DLGAP1: variants seen among roughly 807,000 people sequenced by gnomAD.
The protein encoded by DLGAP1 is DLG associated protein 1, also known as disks large-associated protein 1.
In DLGAP1, 11 loss-of-function variants were observed where a neutral mutation model predicts 90.8. That is an observed-to-expected ratio of 0.12 (90% CI 0.08 to 0.20). The LOEUF (loss-of-function observed/expected upper bound fraction) is 0.20. DLGAP1 is among the 10% of genes least tolerant of loss of function. The probability of loss-of-function intolerance (pLI) is 1.00; values close to 1 mark genes in which losing one functional copy is unlikely to be tolerated. For synonymous variants in DLGAP1, 558 were observed against 540.7 expected (o/e 1.03, Z -0.44); for missense variants, 1,050 against 1,333.8 (o/e 0.79, Z 3.31).
At chr18:3,893,385 T>C (rs1159948666) in intron 3 of DLGAP1, among the ~76,000 whole-genome samples, 1 of 151,926 alleles carries the variant, frequency 6.6e-6, no homozygotes, top group Admixed American at 6.6e-5. Context: ...GAGACCAGCC[T>C]GGCCAACATG....
At chr18:4,290,569 C>T (rs2079821460) in intron 1 of DLGAP1, among the ~76,000 whole-genome samples, 1 of 152,158 alleles carries the variant, frequency 6.6e-6, no homozygotes, top group African/African-American at 2.4e-5. Flanking sequence ...TTCAGTCTGT[C>T]TCGAGTCATC....
At chr18:4,347,729 C>T (rs2081325447) in intron 1 of DLGAP1, among the ~76,000 whole-genome samples, 2 of 151,960 alleles carry the variant, frequency 1.3e-5, no homozygotes, top group Admixed American at 1.3e-4. Flanking sequence ...TAGAAGCATT[C>T]CTATTCACAT....
intron 6 of DLGAP1, among the ~76,000 whole-genome samples, chr18:3,735,241 C>T (rs376062609): frequency 3.9e-5 from 6 of 152,142 alleles, no homozygotes; most frequent in South Asian, 4.1e-4. Flanking sequence ...TTTTTGGAGA[C>T]GGAGTCTCAC....
intron 1 of DLGAP1, among the ~76,000 whole-genome samples, chr18:4,451,486 G>A (rs2083830182): frequency 6.6e-6 from 1 of 152,134 alleles, no homozygotes. Context: ...AGATTAAAAT[G>A]AATGTCAGAA....
intron 4 of DLGAP1, among the ~76,000 whole-genome samples, chr18:3,823,592 A>G (rs572414226): frequency 6.6e-6 from 1 of 152,308 alleles, no homozygotes; most frequent in East Asian, 1.9e-4. Context: ...AAACTTTGTT[A>G]TAGTAATTTT....
rs1292086557 is a variant in DLGAP1, at chr18:3,517,593, G to A, written c.2480-8932C>T. Among the ~76,000 whole-genome samples the A allele has an allele frequency of 6.6e-6, 1 of 152,148 alleles. No individual in the cohort carries two copies. Among genetic ancestry groups the A allele is most frequent in the Non-Finnish European group, 1.5e-5 (1 of 68,022 alleles). On this transcript the variant is annotated intron_variant, in intron 10 of 12. Coordinates refer to ENST00000315677, the MANE Select transcript of DLGAP1 (RefSeq NM_004746.4). This position sits in a 1 kb window ranked among gnomAD's most constrained non-coding sequence, Gnocchi z 4.1. ...AGCACTTTGGGAGGCTGAGGCGGGTGGGTTACCTGAGGTCAGGAGGTCGAG... is the reference window on the plus strand; with the variant it reads ...AGCACTTTGGGAGGCTGAGGCGGGTAGGTTACCTGAGGTCAGGAGGTCGAG...
rs1394538723 is a variant in DLGAP1, at chr18:4,306,475, GAC to G, written c.-267+148529_-267+148530del. On this transcript the variant is annotated intron_variant, in intron 1 of 12. Transcript: ENST00000315677. ...TGTGTGTGTGTGTGAGAGAGAGAGAGACAGACAGAGAAGAAAATAAAGAAGAA... is the reference window on the plus strand; with the variant it reads ...TGTGTGTGTGTGTGAGAGAGAGAGAGAGACAGAGAAGAAAATAAAGAAGAA... Among the ~76,000 whole-genome samples, 15 of 144,826 alleles carry G rather than the reference GAC, an allele frequency of 1.0e-4. 1 individual carries two copies. The highest frequency in any genetic ancestry group is 4.3e-4 in the South Asian group (2 of 4,704).
At chr18:3,791,611 T>C (rs531353404) in intron 5 of DLGAP1, among the ~76,000 whole-genome samples, 105 of 152,276 alleles carry the variant, frequency 6.9e-4, no homozygotes, top group African/African-American at 2.5e-3. Flanking sequence ...CAATATTTAC[T>C]TAGGAGTCAA....
chr18:3,593,977 A>G (rs1392225316), intron 7 of DLGAP1: 1 of 151,002 alleles, frequency 6.6e-6, no homozygotes, highest in African/African-American at 2.4e-5. Flanking sequence ...ACAAAAATCC[A>G]GGCAGGGAGG....
chr18:3,535,610 A>C (rs866220505), intron 9 of DLGAP1, among the ~76,000 whole-genome samples: 1 of 151,974 alleles, frequency 6.6e-6, no homozygotes, highest in Non-Finnish European at 1.5e-5. Context: ...TGGGAGGCTG[A>C]GGCAGGAGAA....
At chr18:4,136,113 G>A (rs193028550) in intron 2 of DLGAP1, among the ~76,000 whole-genome samples, 9 of 151,874 alleles carry the variant, frequency 5.9e-5, no homozygotes, top group Admixed American at 3.3e-4. Flanking sequence ...GAGAACATGC[G>A]ACATACCACA....
chr18:3,558,236 T>TTTTG (rs1334636213), intron 9 of DLGAP1, among the ~76,000 whole-genome samples: 7 of 152,004 alleles, frequency 4.6e-5, no homozygotes, highest in East Asian at 1.9e-4. Context: ...ATTTTGTAGT[T>TTTTG]TTTGTTTGTT....
At chr18:3,741,171 CAT>C (rs1373268197) in intron 6 of DLGAP1, among the ~76,000 whole-genome samples, 21 of 66,292 alleles carry the variant, frequency 3.2e-4, no homozygotes, top group African/African-American at 5.4e-4. Flanking sequence ...ATCACCACCA[CAT>C]CACCACCACC....
In DLGAP1 at chr18:3,716,418, C is replaced by T. The variant is rs185707027; in HGVS notation, c.1591+12717G>A. ...GGGCATGGTGGCTTGTGCCTGTGGT[C>T]CTAGCTACTCAGGGGGCTGAAGTGG... On this transcript the variant is annotated intron_variant, in intron 7 of 12. Transcript: ENST00000315677. Among the ~76,000 whole-genome samples the T allele has an allele frequency of 5.5e-4, 84 of 152,186 alleles. 1 individual carries two copies. Among genetic ancestry groups the T allele is most frequent in the African/African-American group, 1.9e-3 (80 of 41,518 alleles).
At chr18:4,225,456 A>G (rs755552963) in intron 1 of DLGAP1, among the ~76,000 whole-genome samples, 2 of 152,078 alleles carry the variant, frequency 1.3e-5, no homozygotes, top group African/African-American at 2.4e-5. Context: ...AATGAACTAA[A>G]TATGGCACCA....
intron 1 of DLGAP1, among the ~76,000 whole-genome samples, chr18:4,269,090 T>C (rs2079196762): frequency 6.6e-6 from 1 of 151,866 alleles, no homozygotes; most frequent in African/African-American, 2.4e-5. Context: ...TTAACTCTTA[T>C]AATATCAAGA....
chr18:3,802,174 G>A (rs1018014516), intron 5 of DLGAP1, among the ~76,000 whole-genome samples: 1 of 151,908 alleles, frequency 6.6e-6, no homozygotes, highest in Non-Finnish European at 1.5e-5. Flanking sequence ...TAGTAGAGAT[G>A]GGGTTTCACC....
At chr18:3,502,414 T>C (rs539053444) in intron 12 of DLGAP1, 79 bp downstream of exon 12, 22 of 1,593,380 alleles carry the variant, frequency 1.4e-5, no homozygotes, top group African/African-American at 1.2e-4. Context: ...ACAGCAGGAC[T>C]GAATGCAGAA....
In DLGAP1 at chr18:3,879,385, G is replaced by C; in HGVS notation, c.684C>G (p.Pro228=). Residue 228 remains proline, a synonymous_variant, in exon 4 of 13, where the codon CCC becomes CCG. Coordinates refer to ENST00000315677, the MANE Select transcript of DLGAP1 (RefSeq NM_004746.4). This position sits in a 1 kb window ranked among gnomAD's most constrained non-coding sequence, Gnocchi z 6.6. ...GGAAGTACTGTGAGGCCGAGCGGTC[G>C]GGGCACCTGCCCATGGTCATCACGC... The part of the protein sequence containing the change: ...PSGVMTMGRC[P]DRSASQYFLE... 6.2e-7 allele frequency: 1 copy of C among 1,613,214 alleles called. No homozygotes were observed.
Sources: gnomAD v4.1 joint callset for allele counts (sites outside exome capture counted in the v4.1 genomes callset) on GRCh38, gnomAD v4.1.1 for gene constraint, Gnocchi (gnomAD v3.1) non-coding constraint, MANE v1.5 for transcripts, NCBI Gene and HGNC (gene_info 2026-07-23, HGNC 2026-07-21) for gene names.